Variants in CSMD1 observed in about 807,000 individuals in gnomAD.
The protein encoded by CSMD1 is CUB and sushi domain-containing protein 1.
A neutral mutation model predicts 417.5 loss-of-function variants in CSMD1; 213 were observed. The observed-to-expected ratio is 0.51, with a 90% CI of 0.46 to 0.57. The LOEUF is 0.57. CSMD1 is among the 20% of genes least tolerant of loss of function. The pLI, the probability that CSMD1 is intolerant of heterozygous loss-of-function variation, is 0.00. For synonymous variants in CSMD1, 2,862 were observed against 1,736.8 expected (o/e 1.65, Z -16.11); for missense variants, 6,923 against 4,529.7 (o/e 1.53, Z -15.17).
chr8:3,171,505 G>C (rs1209532419), intron 37 of CSMD1, among the ~76,000 whole-genome samples: 1 of 152,144 alleles, frequency 6.6e-6, no homozygotes, highest in East Asian at 1.9e-4. Context: ...GTTGGTGGTT[G>C]GCTAAGTCAC....
In CSMD1 at chr8:3,670,056, G is replaced by C. The variant is rs572110580; in HGVS notation, c.1009+38358C>G. 3.3e-5 allele frequency among the ~76,000 whole-genome samples: 5 copies of C among 152,268 alleles called. No individual in the cohort carries two copies. The South Asian group carries it at 1.0e-3, about 32-fold the overall frequency. ...AAATGTTCCTAGGGTCTCACAATTT[G>C]TGATGGTTAATACTGAGTGTCAACT... On this transcript the variant is annotated intron_variant, in intron 7 of 69. Coordinates refer to ENST00000635120, the MANE Select transcript of CSMD1 (RefSeq NM_033225.6).
At position 3,505,231 on chromosome 8, in the gene CSMD1, G is replaced by A. The variant is rs139480754; in HGVS notation, c.1345-11505C>T. On this transcript the variant is annotated intron_variant, in intron 10 of 69. Transcript: ENST00000635120. ...AAGTCGCAATGCAATAATGGATATA[G>A]AATAAACCAGAACACTGTTAGATGC... is the stretch of plus-strand genomic sequence containing the variant. Among the ~76,000 whole-genome samples the A allele has an allele frequency of 1.6e-4, 25 of 152,196 alleles. No individual in the cohort carries two copies. The South Asian group carries it at 5.2e-3, about 32-fold the overall frequency.
intron 14 of CSMD1, 60 bp from the exon 15 acceptor site, chr8:3,406,281 TA>T: frequency 7.3e-7 from 1 of 1,366,196 alleles, no homozygotes; most frequent in Non-Finnish European, 9.9e-7. Context: ...TTACATGTAT[TA>T]AAAAAGAAGA....
chr8:4,901,102 T>G (rs73185763), intron 1 of CSMD1, among the ~76,000 whole-genome samples: 1,646 of 152,334 alleles, frequency 0.011, 20 homozygotes, highest in Non-Finnish European at 0.018. Context: ...TGGGCAACAG[T>G]ATACCCTCGT....
At chr8:3,254,269 T>TTA (rs1563190468) in intron 26 of CSMD1, among the ~76,000 whole-genome samples, 4 of 152,228 alleles carry the variant, frequency 2.6e-5, no homozygotes, top group Non-Finnish European at 4.4e-5. Context: ...GGCTTCCCTT[T>TTA]GTGGGTAACC....
intron 3 of CSMD1, among the ~76,000 whole-genome samples, chr8:4,070,824 C>T (rs1187743466): frequency 6.6e-6 from 1 of 152,210 alleles, no homozygotes; most frequent in East Asian, 1.9e-4. Flanking sequence ...CACCCTCATT[C>T]TTGAAGGTTG....
At chr8:3,491,993 C>G (rs961141419) in intron 11 of CSMD1, among the ~76,000 whole-genome samples, 1 of 152,158 alleles carries the variant, frequency 6.6e-6, no homozygotes, top group Non-Finnish European at 1.5e-5. Flanking sequence ...GGTTTACAAG[C>G]TCTTTGTTCT....
At chr8:3,915,278 T>G (rs1808738690) in intron 5 of CSMD1, among the ~76,000 whole-genome samples, 1 of 151,824 alleles carries the variant, frequency 6.6e-6, no homozygotes, top group African/African-American at 2.4e-5. Context: ...TGGTAGTGTG[T>G]GCCTGTAGTC....
intron 7 of CSMD1, among the ~76,000 whole-genome samples, chr8:3,621,985 GTGTGTA>G (rs1190140707): frequency 9.0e-4 from 105 of 116,398 alleles, no homozygotes; most frequent in African/African-American, 2.1e-3. Flanking sequence ...CTTTGTGTGT[GTGTGTA>G]TGTGTGTGTG....
intron 10 of CSMD1, among the ~76,000 whole-genome samples, chr8:3,527,528 C>G (rs1380442994): frequency 6.6e-6 from 1 of 152,124 alleles, no homozygotes; most frequent in East Asian, 1.9e-4. Flanking sequence ...TGGGTGGTAT[C>G]TCGATTGTGG....
At chr8:3,910,399 C>T (rs74777186) in intron 5 of CSMD1, among the ~76,000 whole-genome samples, 1 of 152,138 alleles carries the variant, frequency 6.6e-6, no homozygotes, top group Admixed American at 6.6e-5. Flanking sequence ...GAAGATGCTG[C>T]CCTGTCTGCC....
At chr8:4,200,140 A>C (rs1799564591) in intron 3 of CSMD1, among the ~76,000 whole-genome samples, 1 of 152,180 alleles carries the variant, frequency 6.6e-6, no homozygotes, top group Non-Finnish European at 1.5e-5. Flanking sequence ...CCTTCCTTTA[A>C]CATTATAGTC....
intron 6 of CSMD1, among the ~76,000 whole-genome samples, chr8:3,731,508 A>G (rs1014759024): frequency 6.6e-6 from 1 of 152,190 alleles, no homozygotes; most frequent in African/African-American, 2.4e-5. Flanking sequence ...CAATTCATGG[A>G]TAAGTGCTTG....
intron 1 of CSMD1, among the ~76,000 whole-genome samples, chr8:4,913,034 C>T (rs1193054403): frequency 6.6e-6 from 1 of 152,108 alleles, no homozygotes; most frequent in Non-Finnish European, 1.5e-5. Flanking sequence ...AGTGATCCAC[C>T]TGCCTCGGCC....
chr8:3,436,730 A>T (rs541300206), intron 12 of CSMD1, among the ~76,000 whole-genome samples: 2 of 152,298 alleles, frequency 1.3e-5, no homozygotes, highest in South Asian at 4.1e-4. Flanking sequence ...CAGTCTTTTC[A>T]ACACATTGGC....
chr8:4,716,552 T>C (rs1673266), intron 1 of CSMD1, among the ~76,000 whole-genome samples: 2,240 of 152,334 alleles, frequency 0.015, 43 homozygotes, highest in African/African-American at 0.051. Flanking sequence ...GACAGATAAA[T>C]TTTAGGCACA....
At chr8:3,877,335 T>C (rs1805892363) in intron 5 of CSMD1, among the ~76,000 whole-genome samples, 1 of 152,152 alleles carries the variant, frequency 6.6e-6, no homozygotes, top group Admixed American at 6.6e-5. Flanking sequence ...GCTGTGTCCA[T>C]GATGGGGGAG....
intron 1 of CSMD1, among the ~76,000 whole-genome samples, chr8:4,914,831 T>A (rs992032067): frequency 6.6e-6 from 1 of 152,188 alleles, no homozygotes; most frequent in African/African-American, 2.4e-5. Flanking sequence ...CCTGTGGACA[T>A]CAGGGAGTTT....
chr8:4,174,533 C>T (rs1359904168), intron 3 of CSMD1, among the ~76,000 whole-genome samples: 1 of 150,694 alleles, frequency 6.6e-6, no homozygotes, highest in Admixed American at 6.6e-5. Context: ...CCATGTCCAC[C>T]CACCTCTCAA....
Sources: allele counts gnomAD v4.1 joint callset (sites outside exome capture counted in the v4.1 genomes callset), GRCh38; gene constraint gnomAD v4.1.1; transcripts MANE v1.5; gene names NCBI Gene and HGNC (gene_info 2026-07-23, HGNC 2026-07-21).